RBFOX1: variants seen among roughly 807,000 people sequenced by gnomAD.
RBFOX1 encodes RNA binding fox-1 homolog 1, also known as RNA binding protein fox-1 homolog 1.
Under a neutral mutation model 57.7 loss-of-function variants are expected in RBFOX1, and 8 were observed. That is an observed-to-expected ratio of 0.14 (90% confidence interval 0.08 to 0.25). RBFOX1 has a LOEUF of 0.25. RBFOX1 is among the 10% of genes least tolerant of loss of function. RBFOX1 has a pLI of 1.00. For synonymous variants in RBFOX1, 326 were observed against 222.4 expected (o/e 1.47, Z -4.15); for missense variants, 611 against 548.5 (o/e 1.11, Z -1.14).
intron 3 of RBFOX1, among the ~76,000 whole-genome samples, chr16:6,740,426 A>G (rs1442270834): frequency 6.6e-6 from 1 of 152,208 alleles, no homozygotes; most frequent in African/African-American, 2.4e-5. Context: ...TAAAAGGCAT[A>G]CAGATTAAAA....
At chr16:6,108,716 G>T (rs984675796) in intron 1 of RBFOX1, among the ~76,000 whole-genome samples, 4 of 152,090 alleles carry the variant, frequency 2.6e-5, no homozygotes, top group Admixed American at 6.6e-5. Context: ...GGTCCTGGGG[G>T]AGTGTCTCCT....
intron 4 of RBFOX1, among the ~76,000 whole-genome samples, chr16:7,330,508 GTTTGTGTGTGTGTGTGT>G (rs1199655898): frequency 2.0e-4 from 16 of 79,382 alleles, no homozygotes; most frequent in South Asian, 1.9e-3. Flanking sequence ...GTGTGTGTGT[GTTTGTGTGTGTGTGTGT>G]AGAGAGAGAG....
At chr16:6,591,772 TGAA>T (rs1405909992) in intron 2 of RBFOX1, among the ~76,000 whole-genome samples, 3 of 152,200 alleles carry the variant, frequency 2.0e-5, no homozygotes, top group African/African-American at 7.2e-5. Flanking sequence ...CATTTGTAAA[TGAA>T]GAAGGAGAAG....
intron 3 of RBFOX1, among the ~76,000 whole-genome samples, chr16:5,831,919 A>C (rs2056289043): frequency 1.3e-5 from 2 of 152,206 alleles, no homozygotes; most frequent in African/African-American, 4.8e-5. Flanking sequence ...CTACTGCCTG[A>C]AATAGAGTTC....
chr16:7,628,155 G>C (rs914376947), intron 10 of RBFOX1, among the ~76,000 whole-genome samples: 2 of 152,094 alleles, frequency 1.3e-5, no homozygotes, highest in Non-Finnish European at 2.9e-5. Context: ...GTATGTTTGT[G>C]TTACAGTTAT....
intron 3 of RBFOX1, among the ~76,000 whole-genome samples, chr16:6,913,957 A>G (rs1219671005): frequency 6.6e-6 from 1 of 152,180 alleles, no homozygotes; most frequent in Non-Finnish European, 1.5e-5. Context: ...ATTATGGATG[A>G]TTTATACTCC....
chr16:5,828,408 G>C (rs1456108156), intron 3 of RBFOX1, among the ~76,000 whole-genome samples: 2 of 152,114 alleles, frequency 1.3e-5, no homozygotes, highest in Non-Finnish European at 1.5e-5. Context: ...TAGAAATAAA[G>C]GATGAAAAAA....
At chr16:6,786,830 G>A (rs1034309299) in intron 3 of RBFOX1, among the ~76,000 whole-genome samples, 2 of 152,124 alleles carry the variant, frequency 1.3e-5, no homozygotes, top group Admixed American at 1.3e-4. Context: ...TGACTAAAAG[G>A]GTAGGGAATT....
At chr16:5,561,634 C>T (rs1239150317) in intron 2 of RBFOX1, among the ~76,000 whole-genome samples, 1 of 152,044 alleles carries the variant, frequency 6.6e-6, no homozygotes, top group Non-Finnish European at 1.5e-5. Context: ...AATACTAGAC[C>T]TTTATATGAT....
At chr16:5,367,544 T>A (rs956622900) in intron 1 of RBFOX1, among the ~76,000 whole-genome samples, 1 of 151,900 alleles carries the variant, frequency 6.6e-6, no homozygotes, top group Admixed American at 6.6e-5. Context: ...GTCTTTGGAG[T>A]GTTAGGTTCT....
At chr16:6,962,346 T>A (rs1299964594) in intron 3 of RBFOX1, among the ~76,000 whole-genome samples, 4 of 152,154 alleles carry the variant, frequency 2.6e-5, no homozygotes, top group Non-Finnish European at 4.4e-5. Flanking sequence ...TCTGCAAAGA[T>A]CCTACACATT....
chr16:6,547,874 C>T (rs897253375), intron 2 of RBFOX1, among the ~76,000 whole-genome samples: 8 of 151,950 alleles, frequency 5.3e-5, no homozygotes, highest in Admixed American at 2.6e-4. Flanking sequence ...GTATTTAATT[C>T]ACAGTGTTTC....
In RBFOX1 at chr16:6,053,259, G is replaced by C. The variant is rs575570047; in HGVS notation, c.-127+33267G>C. Among the ~76,000 whole-genome samples the C allele has an allele frequency of 5.9e-5, 9 of 152,258 alleles. No individual in the cohort carries two copies. In the South Asian group the frequency reaches 1.7e-3, roughly 28 times the overall value. Reference sequence around the variant, plus strand: ...TCTTAGCTGGAAACAATAAATAACGGAATAATATTGTCTGGTACCAAAGGG... The same window carrying C: ...TCTTAGCTGGAAACAATAAATAACGCAATAATATTGTCTGGTACCAAAGGG... On this transcript the variant is annotated intron_variant, in intron 1 of 15. Transcript: ENST00000550418.
intron 2 of RBFOX1, among the ~76,000 whole-genome samples, chr16:6,351,373 T>TATA (rs61442398): frequency 0.2 from 19,421 of 98,960 alleles, 1,071 homozygotes; most frequent in Admixed American, 0.23. Context: ...TATATATATA[T>TATA]TTTTTTTTTT....
At chr16:6,990,336 C>T (rs1277624812) in intron 3 of RBFOX1, among the ~76,000 whole-genome samples, 1 of 151,990 alleles carries the variant, frequency 6.6e-6, no homozygotes, top group African/African-American at 2.4e-5. Flanking sequence ...ACCAGCCTGG[C>T]CAACATGGTG....
intron 9 of RBFOX1, among the ~76,000 whole-genome samples, chr16:7,604,382 G>A (rs1047714310): frequency 2.0e-5 from 3 of 152,222 alleles, no homozygotes; most frequent in African/African-American, 7.2e-5. Flanking sequence ...TCATTTTGCA[G>A]CACACAGATT....
intron 5 of RBFOX1, among the ~76,000 whole-genome samples, chr16:7,567,855 C>A (rs1261590084): frequency 1.5e-5 from 2 of 137,376 alleles, no homozygotes; most frequent in Non-Finnish European, 3.1e-5. Context: ...CTATATATAT[C>A]CATATATATA....
At chr16:7,100,389 C>G (rs914298251) in intron 4 of RBFOX1, among the ~76,000 whole-genome samples, 28 of 152,106 alleles carry the variant, frequency 1.8e-4, no homozygotes, top group African/African-American at 5.8e-4. Flanking sequence ...TCACTCATCA[C>G]TCAACATTTT....
intron 3 of RBFOX1, among the ~76,000 whole-genome samples, chr16:7,035,949 A>G (rs948078334): frequency 6.6e-6 from 1 of 152,146 alleles, no homozygotes; most frequent in Non-Finnish European, 1.5e-5. Flanking sequence ...CTTTCAGACA[A>G]CTGAACTGGA....
Sources: allele counts gnomAD v4.1 joint callset (sites outside exome capture counted in the v4.1 genomes callset), GRCh38; gene constraint gnomAD v4.1.1; transcripts MANE v1.5; gene names NCBI Gene and HGNC (gene_info 2026-07-23, HGNC 2026-07-21).